NXPH1: variants seen among roughly 807,000 people sequenced by gnomAD.
The protein encoded by NXPH1 is neurexophilin-1.
In NXPH1, 5 loss-of-function variants were observed where a neutral mutation model predicts 23.7. That is an observed-to-expected ratio of 0.21 (90% CI 0.11 to 0.44). The LOEUF (loss-of-function observed/expected upper bound fraction) is 0.44. Ranked by LOEUF, NXPH1 falls within the 20% of genes least tolerant of loss-of-function variation. NXPH1 has a pLI of 0.99. For missense variants in NXPH1, 324 were observed against 321.6 expected (o/e 1.01, Z -0.06); for synonymous variants, 144 against 122.2 (o/e 1.18, Z -1.18).
At chr7:8,607,460 T>C (rs959914896) in intron 2 of NXPH1, among the ~76,000 whole-genome samples, 5 of 152,200 alleles carry the variant, frequency 3.3e-5, no homozygotes, top group Admixed American at 1.3e-4. Flanking sequence ...ACTTCATTAG[T>C]TGATCATGTT....
chr7:8,714,553 A>G (rs1480993115), intron 2 of NXPH1, among the ~76,000 whole-genome samples: 1 of 151,910 alleles, frequency 6.6e-6, no homozygotes, highest in African/African-American at 2.4e-5. Flanking sequence ...TGGGTCACAC[A>G]TGAAGCCAGC....
chr7:8,538,076 A>G (rs997162948), intron 2 of NXPH1, among the ~76,000 whole-genome samples: 1 of 151,962 alleles, frequency 6.6e-6, no homozygotes. Context: ...TAATAATAGT[A>G]ATGATAAAAA....
chr7:8,457,177 A>G (rs1163046077), intron 2 of NXPH1, among the ~76,000 whole-genome samples: 1 of 152,180 alleles, frequency 6.6e-6, no homozygotes, highest in Non-Finnish European at 1.5e-5. Flanking sequence ...TGGCTTTTCC[A>G]CTTAATTTCT....
intron 2 of NXPH1, among the ~76,000 whole-genome samples, chr7:8,708,936 G>C (rs1450382365): frequency 6.6e-6 from 1 of 152,106 alleles, no homozygotes; most frequent in African/African-American, 2.4e-5. Context: ...GTCAGAATCT[G>C]CATTTTAACC....
In NXPH1 at chr7:8,569,401, A is replaced by T. The variant is rs539754011; in HGVS notation, c.54+133634A>T. Among the ~76,000 whole-genome samples the T allele has an allele frequency of 9.2e-4, 140 of 152,062 alleles. 1 individual carries two copies. Among genetic ancestry groups the T allele is most frequent in the Non-Finnish European group, 1.6e-3 (107 of 67,870 alleles). ...TTGAGATAATCAAGGAAAAATAGAC[A>T]AGTATTAGATTTCATTTAGAGGTAT... On this transcript the variant is annotated intron_variant, in intron 2 of 2. Coordinates refer to ENST00000405863, the MANE Select transcript of NXPH1 (RefSeq NM_152745.3).
At chr7:8,560,121 T>A (rs892366984) in intron 2 of NXPH1, among the ~76,000 whole-genome samples, 4 of 151,750 alleles carry the variant, frequency 2.6e-5, no homozygotes, top group Non-Finnish European at 5.9e-5. Flanking sequence ...AACTCATTGC[T>A]GCACATCTTG....
At chr7:8,543,716 G>C (rs1438638203) in intron 2 of NXPH1, among the ~76,000 whole-genome samples, 1 of 151,570 alleles carries the variant, frequency 6.6e-6, no homozygotes, top group Non-Finnish European at 1.5e-5. Context: ...TATGTCAACA[G>C]GTAGCATGCT....
intron 2 of NXPH1, among the ~76,000 whole-genome samples, chr7:8,550,329 G>A (rs1216327648): frequency 6.6e-6 from 1 of 151,540 alleles, no homozygotes; most frequent in African/African-American, 2.4e-5. Context: ...CCAGCTTATG[G>A]TAATAACTTC....
intron 2 of NXPH1, among the ~76,000 whole-genome samples, chr7:8,715,738 A>G (rs1015223558): frequency 6.6e-6 from 1 of 152,146 alleles, no homozygotes; most frequent in Non-Finnish European, 1.5e-5. Context: ...GGTGAGGGAA[A>G]TGGCAGGCTT....
intron 2 of NXPH1, among the ~76,000 whole-genome samples, chr7:8,588,842 G>A (rs1584252794): frequency 1.3e-5 from 2 of 152,106 alleles, no homozygotes; most frequent in East Asian, 3.9e-4. Context: ...GCGATTATAA[G>A]GCCATAAAAT....
At chr7:8,467,508 T>A (rs1403331542) in intron 2 of NXPH1, among the ~76,000 whole-genome samples, 5 of 152,210 alleles carry the variant, frequency 3.3e-5, no homozygotes, top group Non-Finnish European at 7.4e-5. Context: ...CTATCTTACA[T>A]CTTACACTCT....
chr7:8,533,356 C>CTA (rs1173099174), intron 2 of NXPH1, among the ~76,000 whole-genome samples: 8 of 152,038 alleles, frequency 5.3e-5, no homozygotes, highest in African/African-American at 1.9e-4. Flanking sequence ...GACTCTTAAC[C>CTA]TATGCTTTTA....
At chr7:8,679,449 T>A (rs553627619) in intron 2 of NXPH1, among the ~76,000 whole-genome samples, 1 of 152,232 alleles carries the variant, frequency 6.6e-6, no homozygotes, top group Admixed American at 6.5e-5. Flanking sequence ...GGCCAGGATG[T>A]TTTTTAATTA....
chr7:8,584,852 C>G (rs1384190708), intron 2 of NXPH1, among the ~76,000 whole-genome samples: 1 of 152,204 alleles, frequency 6.6e-6, no homozygotes, highest in African/African-American at 2.4e-5. Context: ...TATTCACAAT[C>G]TTACATTACT....
chr7:8,597,325 C>T (rs1434747233), intron 2 of NXPH1, among the ~76,000 whole-genome samples: 1 of 151,968 alleles, frequency 6.6e-6, no homozygotes, highest in Admixed American at 6.6e-5. Flanking sequence ...GGTGGACAGA[C>T]GTGGTGGCTG....
chr7:8,700,431 C>T (rs956070682), intron 2 of NXPH1, among the ~76,000 whole-genome samples: 3 of 152,080 alleles, frequency 2.0e-5, no homozygotes, highest in Admixed American at 1.3e-4. Flanking sequence ...TTAGACAGTT[C>T]CTGTACTCTA....
chr7:8,571,881 TAA>T (rs5882176), intron 2 of NXPH1, among the ~76,000 whole-genome samples: 236 of 141,544 alleles, frequency 1.7e-3, no homozygotes, highest in African/African-American at 4.6e-3. Flanking sequence ...GTGGACTTGT[TAA>T]AAAAAAAAAA....
chr7:8,727,643 G>C (rs983327201), intron 2 of NXPH1, among the ~76,000 whole-genome samples: 1 of 152,160 alleles, frequency 6.6e-6, no homozygotes, highest in African/African-American at 2.4e-5. Flanking sequence ...AGATCAGATA[G>C]TTGTAGATAT....
chr7:8,471,064 T>TGATA, intron 2 of NXPH1, among the ~76,000 whole-genome samples: 1 of 152,236 alleles, frequency 6.6e-6, no homozygotes, highest in East Asian at 1.9e-4. Context: ...AGATACAAAG[T>TGATA]GATAGCATTT....
Sources: gnomAD v4.1 joint callset for allele counts (sites outside exome capture counted in the v4.1 genomes callset) on GRCh38, gnomAD v4.1.1 for gene constraint, MANE v1.5 for transcripts, NCBI Gene and HGNC (gene_info 2026-07-23, HGNC 2026-07-21) for gene names.